PPDPFL: variants seen among roughly 807,000 people sequenced by gnomAD.
PPDPFL encodes pancreatic progenitor cell differentiation and proliferation factor-like protein.
A neutral mutation model predicts 12.6 loss-of-function variants in PPDPFL; 12 were observed. That is an observed-to-expected ratio of 0.95 (90% CI 0.61 to 1.54). PPDPFL has a LOEUF of 1.54. Among genes scored for constraint, PPDPFL ranks in the 40% most tolerant of loss-of-function variants. The pLI, the probability that PPDPFL is intolerant of heterozygous loss-of-function variation, is 0.00. For missense variants in PPDPFL, 114 were observed against 96.0 expected (o/e 1.19, Z -0.78); for synonymous variants, 24 against 32.7 (o/e 0.73, Z 0.91).
intron 1 of PPDPFL, among the ~76,000 whole-genome samples, chr8:49,063,003 G>A (rs1019355204): frequency 8.5e-5 from 13 of 152,186 alleles, no homozygotes; most frequent in African/African-American, 2.7e-4. Flanking sequence ...TCCACAAAGG[G>A]ACCTAAGGGT....
intron 1 of PPDPFL, among the ~76,000 whole-genome samples, chr8:49,065,398 G>A (rs567898927): frequency 1.3e-5 from 2 of 152,304 alleles, no homozygotes; most frequent in African/African-American, 2.4e-5. Context: ...CCAGTGCTTG[G>A]TAATAATTGA....
intron 2 of PPDPFL, among the ~76,000 whole-genome samples, chr8:49,073,618 A>G (rs1009041671): frequency 1.3e-5 from 2 of 152,222 alleles, no homozygotes. Context: ...TAGGTTTTAA[A>G]TACAAGCCTA....
upstream of PPDPFL, among the ~76,000 whole-genome samples, chr8:49,067,812 T>G (rs2129245062): frequency 6.6e-6 from 1 of 152,342 alleles, no homozygotes; most frequent in African/African-American, 2.4e-5. Context: ...AACAGGAGTG[T>G]GCAGAGGACA....
At chr8:49,066,958 G>A (rs1038657238) in intron 1 of PPDPFL, among the ~76,000 whole-genome samples, 5 of 152,102 alleles carry the variant, frequency 3.3e-5, no homozygotes, top group Non-Finnish European at 7.3e-5. Context: ...CTGCTCATGA[G>A]AGCACACTGC....
At chr8:49,062,162 G>T (rs1164505328) in intron 1 of PPDPFL, among the ~76,000 whole-genome samples, 3 of 152,148 alleles carry the variant, frequency 2.0e-5, no homozygotes, top group African/African-American at 7.2e-5. Flanking sequence ...AAATGCACAT[G>T]GGCAAATGCA....
intron 1 of PPDPFL, among the ~76,000 whole-genome samples, chr8:49,067,343 G>A (rs1229871094): frequency 6.6e-6 from 1 of 152,210 alleles, no homozygotes; most frequent in Non-Finnish European, 1.5e-5. Flanking sequence ...GTTATTAGGA[G>A]TGACTATGCT....
chr8:49,061,722 A>G (rs970924575), intron 1 of PPDPFL, among the ~76,000 whole-genome samples: 3 of 152,318 alleles, frequency 2.0e-5, no homozygotes, highest in African/African-American at 7.2e-5. Context: ...GCTCCTTGGC[A>G]GCAGGTAAAG....
chr8:49,062,693 G>A (rs981595210), intron 1 of PPDPFL, among the ~76,000 whole-genome samples: 2 of 152,188 alleles, frequency 1.3e-5, no homozygotes, highest in Non-Finnish European at 2.9e-5. Flanking sequence ...TGAGTGGTAA[G>A]GTCAGAATAG....
chr8:49,067,768 A>G (rs185483422), upstream of PPDPFL, among the ~76,000 whole-genome samples: 2 of 152,352 alleles, frequency 1.3e-5, no homozygotes, highest in East Asian at 3.9e-4. Flanking sequence ...TAAGAGGCTG[A>G]TATCTCAGTA....
intron 1 of PPDPFL, among the ~76,000 whole-genome samples, chr8:49,065,180 G>A (rs1252112317): frequency 2.0e-5 from 3 of 152,154 alleles, no homozygotes; most frequent in Non-Finnish European, 4.4e-5. Context: ...GCAGCTCAGA[G>A]AATCCTAAAC....
intron 1 of PPDPFL, among the ~76,000 whole-genome samples, chr8:49,056,010 C>T (rs1585668342): frequency 6.6e-6 from 1 of 152,156 alleles, no homozygotes; most frequent in South Asian, 2.1e-4. Context: ...TTGATAACTT[C>T]AGAGTCCTTA....
intron 4 of PPDPFL, chr8:49,074,549 T>C: frequency 6.5e-7 from 1 of 1,536,660 alleles, no homozygotes; most frequent in Non-Finnish European, 8.7e-7. Flanking sequence ...TCCAGTTCAA[T>C]CACTCAAGAG....
At chr8:49,065,212 T>C (rs1808276064) in intron 1 of PPDPFL, among the ~76,000 whole-genome samples, 1 of 152,136 alleles carries the variant, frequency 6.6e-6, no homozygotes, top group East Asian at 1.9e-4. Context: ...TGAGGAAAGG[T>C]CTTTGCATCA....
intron 2 of PPDPFL, 123 bp downstream of exon 2, chr8:49,073,008 T>C (rs954577806): frequency 7.8e-6 from 7 of 892,758 alleles, no homozygotes; most frequent in Admixed American, 2.7e-5. Flanking sequence ...TTGGTGACAA[T>C]GAAGAAAGCA....
chr8:49,056,238 G>A (rs1171461077), intron 1 of PPDPFL, among the ~76,000 whole-genome samples: 1 of 152,042 alleles, frequency 6.6e-6, no homozygotes, highest in African/African-American at 2.4e-5. Flanking sequence ...TGAATTCATG[G>A]CATTCTCTTC....
intron 1 of PPDPFL, among the ~76,000 whole-genome samples, chr8:49,064,756 CGAGGATCT>C (rs1808268651): frequency 1.3e-5 from 2 of 152,136 alleles, no homozygotes; most frequent in Admixed American, 6.5e-5. Flanking sequence ...ATTTCATAGA[CGAGGATCT>C]GAGGCATATC....
intron 1 of PPDPFL, among the ~76,000 whole-genome samples, chr8:49,054,913 T>G (rs1448643564): frequency 6.6e-6 from 1 of 152,088 alleles, no homozygotes; most frequent in Admixed American, 6.6e-5. Flanking sequence ...GCCCAATATA[T>G]TCTTTAAATT....
In PPDPFL at chr8:49,072,820, C is replaced by T. The variant is rs747140610; in HGVS notation, c.-11C>T. On this transcript the variant is annotated 5_prime_UTR_variant, in exon 2 of 5. It adds an upstream start codon to the 5' untranslated region. Coordinates refer to ENST00000522267, the MANE Select transcript of PPDPFL (RefSeq NM_001256597.2). Reference sequence around the variant, plus strand: ...TCACAGCTTCTTGGGTGCTTTCTCACGGGTAAAGCCATGGCATCCGTACCT... The same window carrying T: ...TCACAGCTTCTTGGGTGCTTTCTCATGGGTAAAGCCATGGCATCCGTACCT... 1.8e-5 allele frequency: 29 copies of T among 1,594,196 alleles called. No individual in the cohort carries two copies. Among genetic ancestry groups the T allele is most frequent in the Admixed American group, 7.3e-5 (4 of 54,498 alleles).
At chr8:49,059,189 C>G (rs1217696143) in intron 1 of PPDPFL, among the ~76,000 whole-genome samples, 1 of 152,110 alleles carries the variant, frequency 6.6e-6, no homozygotes, top group Non-Finnish European at 1.5e-5. Flanking sequence ...TATCCTATTT[C>G]CAGACCCAGG....
Sources: allele counts gnomAD v4.1 joint callset (sites outside exome capture counted in the v4.1 genomes callset), GRCh38; gene constraint gnomAD v4.1.1; transcripts MANE v1.5; gene names NCBI Gene and HGNC (gene_info 2026-07-23, HGNC 2026-07-21).